Variants in NRIP3 observed in about 807,000 individuals in gnomAD.
NRIP3 encodes the protein nuclear receptor interacting protein 3.
A neutral mutation model predicts 29.0 loss-of-function variants in NRIP3; 31 were observed. The observed-to-expected ratio is 1.07, with a 90% CI of 0.80 to 1.44. NRIP3 has a LOEUF of 1.44. Among genes scored for constraint, NRIP3 ranks in the 40% most tolerant of loss-of-function variants. The pLI is 0.00. For missense variants in NRIP3, 314 were observed against 297.9 expected (o/e 1.05, Z -0.40); for synonymous variants, 131 against 118.3 (o/e 1.11, Z -0.70).
chr11:8,993,018 T>C (rs1196523950), intron 1 of NRIP3, among the ~76,000 whole-genome samples: 3 of 152,064 alleles, frequency 2.0e-5, no homozygotes, highest in African/African-American at 7.2e-5. Context: ...TACTGAAAGA[T>C]ATGCATGCTT....
chr11:8,987,585 A>C lies in NRIP3; in HGVS notation c.385T>G (p.Tyr129Asp), dbSNP rs1854538283. The C allele has an allele frequency of 6.2e-7, 1 of 1,614,000 alleles. No homozygotes were observed. The highest frequency in any genetic ancestry group is 1.3e-5 in the African/African-American group (1 of 74,928). The stretch of plus-strand genomic sequence containing the variant: ...ACACAGGCCAAAGAGATGAGATTAT[A>C]TAGGCAGCCTGTGTCAACCAAGGCT... ...VKALVDTGCL[Y>D]NLISLACVDR... The change falls in exon 3 of 7, where the codon TAT (tyrosine) becomes GAT (aspartate). Residue 129 changes from tyrosine to aspartate, a missense_variant. By Grantham distance (160) the Tyr-to-Asp change is radical. Coordinates refer to ENST00000309166, the MANE Select transcript of NRIP3 (RefSeq NM_020645.3).
chr11:8,983,502 G>C lies in NRIP3; in HGVS notation c.*43C>G, dbSNP rs773475132. 4.4e-6 allele frequency: 7 copies of C among 1,600,208 alleles called. No homozygotes were observed. In the African/African-American group the frequency reaches 5.4e-5, roughly 12 times the overall value. ...CCCAGTTTTCTCTATCTGTCAACCC[G>C]GTGTGTATGCATGCACACGTGCAGA... On this transcript the variant is annotated 3_prime_UTR_variant, in exon 7 of 7. Coordinates refer to ENST00000309166, the MANE Select transcript of NRIP3 (RefSeq NM_020645.3).
rs1229852771 is a variant in NRIP3, at chr11:8,985,965, C to G, written c.423-115G>C. On this transcript the variant is annotated intron_variant, in intron 3 of 6. Coordinates refer to ENST00000309166, the MANE Select transcript of NRIP3 (RefSeq NM_020645.3). ...TCTCCAGGGATCTCCTGGGATTAAT[C>G]TACCGAAAAGTGCTAGCCATCCTAC... 4 of 1,290,954 alleles carry G rather than the reference C, an allele frequency of 3.1e-6. No homozygotes were observed. The Admixed American group carries it at 5.8e-5, about 19-fold the overall frequency. The allele number at this position is 1,290,954 out of a possible 1,614,324, so 80.0% of individuals were successfully genotyped here. A position where few individuals can be genotyped will look rare whatever the true frequency, so the allele number is the denominator to read the frequency against.
At chr11:8,996,275 CTTTTTTTTTTTT>C (rs386373056) in intron 1 of NRIP3, among the ~76,000 whole-genome samples, 8 of 82,944 alleles carry the variant, frequency 9.6e-5, no homozygotes, top group South Asian at 5.5e-4. Context: ...CCTTTTTTTC[CTTTTTTTTTTTT>C]TTTTTTTTTT....
intron 1 of NRIP3, among the ~76,000 whole-genome samples, chr11:9,003,083 G>A (rs6486060): frequency 0.55 from 84,230 of 151,974 alleles, 23,652 homozygotes; most frequent in Middle Eastern, 0.74. Context: ...CCCAGCTCCA[G>A]ATGCACACAT....
At chr11:9,001,679 A>G (rs1854800722) in intron 1 of NRIP3, among the ~76,000 whole-genome samples, 1 of 152,250 alleles carries the variant, frequency 6.6e-6, no homozygotes, top group Admixed American at 6.5e-5. Context: ...ATGTACTTCT[A>G]AGGTCACTTC....
chr11:8,993,684 C>G (rs1344384474), intron 1 of NRIP3, among the ~76,000 whole-genome samples: 1 of 151,906 alleles, frequency 6.6e-6, no homozygotes, highest in Non-Finnish European at 1.5e-5. Flanking sequence ...TAGTGCACGC[C>G]TGTAGCCCCA....
chr11:8,992,693 G>C (rs533605153), intron 1 of NRIP3, among the ~76,000 whole-genome samples: 1 of 152,126 alleles, frequency 6.6e-6, no homozygotes, highest in Admixed American at 6.5e-5. Flanking sequence ...GGCGGATCAC[G>C]AGATCAGGAG....
Position 8,987,614 on chromosome 11 carries a change from A to G in NRIP3, c.356T>C (p.Val119Ala). Residue 119 changes from valine (V) to alanine (A), a missense_variant, in exon 3 of 7, where the codon GTG (valine) becomes GCG (alanine). Transcript: ENST00000309166. ...LVSCQCAGKD[V>A]KALVDTGCLY... ...GCAGCCTGTGTCAACCAAGGCTTTC[A>G]CATCCTTTCCAGCACACTGTGGGGA... is the stretch of plus-strand genomic sequence containing the variant. 6.2e-7 allele frequency: 1 copy of G among 1,613,948 alleles called. No homozygotes were observed. The highest frequency in any genetic ancestry group is 8.5e-7 in the Non-Finnish European group (1 of 1,179,812).
chr11:8,985,332 G>C (rs1192880414), intron 4 of NRIP3, among the ~76,000 whole-genome samples: 2 of 151,682 alleles, frequency 1.3e-5, no homozygotes, highest in African/African-American at 4.8e-5. Context: ...ACCACGCCTG[G>C]CTAATTTTTT....
At chr11:8,987,149 G>A (rs184200078) in intron 3 of NRIP3, among the ~76,000 whole-genome samples, 1 of 152,282 alleles carries the variant, frequency 6.6e-6, no homozygotes, top group East Asian at 1.9e-4. Context: ...GAAAGACTCT[G>A]AGTAAGCTAA....
chr11:8,987,770 T>C (rs1854540805), intron 2 of NRIP3, 140 bp from the exon 3 acceptor site: 1 of 705,586 alleles, frequency 1.4e-6, no homozygotes, highest in African/African-American at 1.7e-5. Flanking sequence ...GTCCCATCTT[T>C]ACCCACTGCT....
At chr11:8,991,732 T>C (rs941017213) in intron 1 of NRIP3, among the ~76,000 whole-genome samples, 1 of 152,242 alleles carries the variant, frequency 6.6e-6, no homozygotes, top group Admixed American at 6.5e-5. Context: ...CTCTTTAAAA[T>C]CCTCTTTAAA....
At chr11:9,001,874 G>A (rs7479407) in intron 1 of NRIP3, among the ~76,000 whole-genome samples, 51,133 of 145,258 alleles carry the variant, frequency 0.35, 10,501 homozygotes, top group Non-Finnish European at 0.43. Flanking sequence ...ACTCCATGAC[G>A]GTGGGGCACA....
intron 3 of NRIP3, 101 bp from the exon 4 acceptor site, chr11:8,985,951 C>T: frequency 7.3e-7 from 1 of 1,373,146 alleles, no homozygotes; most frequent in Non-Finnish European, 1.0e-6. Flanking sequence ...CTCCAGGGAT[C>T]TCCTGGGATT....
chr11:8,981,879 T>A lies in NRIP3; in HGVS notation c.*1666A>T, dbSNP rs1346354443. ...TGACTGCAGTATGGCTGCCTAGTTGTTCAAATGATAGTCACCAAGTTCCTA... is the reference window on the plus strand; with the variant it reads ...TGACTGCAGTATGGCTGCCTAGTTGATCAAATGATAGTCACCAAGTTCCTA... On this transcript the variant is annotated 3_prime_UTR_variant, in exon 7 of 7. Coordinates refer to ENST00000309166, the MANE Select transcript of NRIP3 (RefSeq NM_020645.3). 1 of 152,180 alleles carries A rather than the reference T, an allele frequency of 6.6e-6. No individual in the cohort carries two copies. The highest frequency in any genetic ancestry group is 1.5e-5 in the Non-Finnish European group (1 of 68,034). 9.4% of individuals were successfully genotyped at this position (152,180 alleles called of 1,614,324 possible).
At chr11:8,983,734 G>T in intron 6 of NRIP3, 141 bp downstream of exon 6, 1 of 881,988 alleles carries the variant, frequency 1.1e-6, no homozygotes, top group Non-Finnish European at 1.9e-6. Context: ...TGAACTCTGG[G>T]TGTGGGGAAG....
intron 1 of NRIP3, 33 bp from the exon 2 acceptor site, chr11:8,988,315 A>T: frequency 1.3e-6 from 2 of 1,583,994 alleles, no homozygotes; most frequent in Non-Finnish European, 1.7e-6. Flanking sequence ...CTTCTTAGTG[A>T]CAGGCCACAT....
chr11:8,998,534 T>G (rs1260815128), intron 1 of NRIP3, among the ~76,000 whole-genome samples: 1 of 152,132 alleles, frequency 6.6e-6, no homozygotes, highest in African/African-American at 2.4e-5. Context: ...CTCCATACCA[T>G]CTCACAGTCA....
Sources: allele counts gnomAD v4.1 joint callset (sites outside exome capture counted in the v4.1 genomes callset), GRCh38; gene constraint gnomAD v4.1.1; transcripts MANE v1.5; gene names NCBI Gene and HGNC (gene_info 2026-07-23, HGNC 2026-07-21).